Variants in DOCK5 observed in about 807,000 individuals in gnomAD.
DOCK5 encodes the protein dedicator of cytokinesis protein 5.
A neutral mutation model predicts 251.8 loss-of-function variants in DOCK5; 142 were observed. The ratio of observed to expected loss-of-function variants is 0.56; its 90% CI spans 0.49 to 0.65. The LOEUF (loss-of-function observed/expected upper bound fraction) is 0.65, where lower values mean the gene tolerates loss of function less well. Among genes scored for constraint, DOCK5 ranks in the 30% least tolerant of loss-of-function variants. The pLI is 0.00. For synonymous variants in DOCK5, 842 were observed against 835.5 expected (o/e 1.01, Z -0.13); for missense variants, 2,111 against 2,312.3 (o/e 0.91, Z 1.79).
intron 47 of DOCK5, among the ~76,000 whole-genome samples, chr8:25,403,135 G>T (rs1388386939): frequency 1.3e-5 from 2 of 152,176 alleles, no homozygotes; most frequent in East Asian, 1.9e-4. Flanking sequence ...GGATTCACCA[G>T]GTTAAGCTGC....
At chr8:25,334,596 A>G (rs1422356072) in intron 21 of DOCK5, among the ~76,000 whole-genome samples, 2 of 152,040 alleles carry the variant, frequency 1.3e-5, no homozygotes, top group Non-Finnish European at 2.9e-5. Flanking sequence ...CTGTAGTCCT[A>G]GCTACTCGAG....
At chr8:25,235,271 C>T (rs533934571) in intron 1 of DOCK5, among the ~76,000 whole-genome samples, 95 of 152,220 alleles carry the variant, frequency 6.2e-4, no homozygotes, top group Middle Eastern at 3.4e-3. Flanking sequence ...CTTGCTCTGT[C>T]GCCTACGTAG....
At chr8:25,364,263 A>T (rs978761639) in intron 29 of DOCK5, among the ~76,000 whole-genome samples, 2 of 152,208 alleles carry the variant, frequency 1.3e-5, no homozygotes, top group Admixed American at 1.3e-4. Flanking sequence ...CTTCTCTGCT[A>T]TGTACAGATT....
At chr8:25,285,185 G>T (rs78908007) in intron 5 of DOCK5, among the ~76,000 whole-genome samples, 2 of 151,468 alleles carry the variant, frequency 1.3e-5, no homozygotes, top group Non-Finnish European at 2.9e-5. Context: ...CATTATTCTC[G>T]CCCAGGCTGG....
chr8:25,347,197 A>G (rs1170174865), intron 26 of DOCK5, among the ~76,000 whole-genome samples: 1 of 152,134 alleles, frequency 6.6e-6, no homozygotes, highest in African/African-American at 2.4e-5. Context: ...ACTACAGCCC[A>G]CCTTTTCTCC....
rs545491742 is a variant in DOCK5 at position 25,184,873 on chromosome 8, C to G, written c.-36C>G. ...GCCGGAGCCCGAGGAGCTGTAGCAG[C>G]CTTAGTCGCCGCCGCCGCGGGGCGA... On this transcript the variant is annotated 5_prime_UTR_variant, in exon 1 of 52. Coordinates refer to ENST00000276440, the MANE Select transcript of DOCK5 (RefSeq NM_024940.8). The G allele has an allele frequency of 7.4e-7, 1 of 1,356,730 alleles. No individual in the cohort carries two copies. The highest frequency in any genetic ancestry group is 3.0e-5 in the East Asian group (1 of 33,890). The allele number at this position is 1,356,730 out of a possible 1,614,324, so 84.0% of individuals were successfully genotyped here.
intron 45 of DOCK5, 143 bp from the exon 46 acceptor site, chr8:25,399,768 T>C (rs1801405213): frequency 9.4e-6 from 6 of 638,452 alleles, no homozygotes; most frequent in Admixed American, 7.8e-5. Flanking sequence ...TCCAACATAG[T>C]ATAAGAGCTG....
intron 38 of DOCK5, 23 bp downstream of exon 38, chr8:25,377,447 A>G (rs778120236): frequency 1.2e-6 from 2 of 1,609,004 alleles, no homozygotes; most frequent in Non-Finnish European, 1.7e-6. Flanking sequence ...TTGTTTTTGT[A>G]CTAGGGGAAA....
chr8:25,199,591 C>G (rs747749816), intron 1 of DOCK5, among the ~76,000 whole-genome samples: 2 of 152,264 alleles, frequency 1.3e-5, no homozygotes, highest in South Asian at 2.1e-4. Context: ...CCATGTTGGC[C>G]AAGCTGGTCT....
rs373092256 is a variant in DOCK5 at position 25,226,746 on chromosome 8, C to T, written c.44-16928C>T. Among the ~76,000 whole-genome samples, 109 of 152,028 alleles carry T rather than the reference C, an allele frequency of 7.2e-4. 1 individual carries two copies. The South Asian group carries it at 0.011, about 15-fold the overall frequency. On this transcript the variant is annotated intron_variant, in intron 1 of 51. Transcript: ENST00000276440. ...GACTACAGGCGCCCGCCACCACGCCCGGCTAATTTTTTGTATTTTTAGTAG... is the reference window on the plus strand; with the variant it reads ...GACTACAGGCGCCCGCCACCACGCCTGGCTAATTTTTTGTATTTTTAGTAG...
chr8:25,350,805 G>T (rs1800453373), intron 26 of DOCK5, among the ~76,000 whole-genome samples: 1 of 152,106 alleles, frequency 6.6e-6, no homozygotes, highest in Admixed American at 6.6e-5. Context: ...CGTCAGTCCA[G>T]GGCCCCACCC....
intron 14 of DOCK5, chr8:25,317,353 A>G (rs1439943905): frequency 1.8e-5 from 8 of 445,800 alleles, no homozygotes; most frequent in Non-Finnish European, 1.5e-5. Flanking sequence ...CTCCTGTGCT[A>G]AGAAATAGCT....
intron 5 of DOCK5, among the ~76,000 whole-genome samples, chr8:25,289,799 G>A (rs1055270769): frequency 1.3e-5 from 2 of 151,988 alleles, no homozygotes; most frequent in African/African-American, 2.4e-5. Context: ...CTGAGATCAC[G>A]CCATTGCACT....
chr8:25,242,003 G>A (rs949979654), intron 1 of DOCK5, among the ~76,000 whole-genome samples: 3 of 151,982 alleles, frequency 2.0e-5, no homozygotes, highest in East Asian at 1.9e-4. Context: ...GGGCCTTTTG[G>A]GGGGTGGGGG....
chr8:25,253,471 T>G (rs943042972), intron 2 of DOCK5, among the ~76,000 whole-genome samples: 1 of 152,218 alleles, frequency 6.6e-6, no homozygotes, highest in East Asian at 1.9e-4. Context: ...CACCCCTGAT[T>G]GCTGTAGCAT....
At chr8:25,336,018 T>G (rs955915720) in intron 21 of DOCK5, among the ~76,000 whole-genome samples, 7 of 152,200 alleles carry the variant, frequency 4.6e-5, no homozygotes, top group Non-Finnish European at 7.3e-5. Flanking sequence ...AAAGAAACCT[T>G]TTCTAGTATT....
At chr8:25,376,399 G>A (rs1800964283) in intron 37 of DOCK5, 1 of 982,850 alleles carries the variant, frequency 1.0e-6, no homozygotes, top group Middle Eastern at 5.2e-4. Context: ...TTATTTTGGG[G>A]GGAGGGAATC....
Position 25,192,547 on chromosome 8 carries a change from C to T in DOCK5, c.43+7596C>T, listed in dbSNP as rs983072408. On this transcript the variant is annotated intron_variant, in intron 1 of 51. Coordinates refer to ENST00000276440, the MANE Select transcript of DOCK5 (RefSeq NM_024940.8). ...AAGAGATAGGGTCTCACTGTGTTGC[C>T]CAGGCTGGAGTGCAGTGGTGCAATC... is the stretch of plus-strand genomic sequence containing the variant. Among the ~76,000 whole-genome samples, 3 of 152,092 alleles carry T rather than the reference C, an allele frequency of 2.0e-5. No individual in the cohort carries two copies. In the South Asian group the frequency reaches 6.2e-4, roughly 32 times the overall value.
At chr8:25,310,340 C>T in intron 12 of DOCK5, 67 bp from the exon 13 acceptor site, 3 of 1,481,970 alleles carry the variant, frequency 2.0e-6, no homozygotes, top group Admixed American at 2.2e-5. Context: ...ATGTTCTTCT[C>T]ACCAGTTACG....
Sources: gnomAD v4.1 joint callset for allele counts (sites outside exome capture counted in the v4.1 genomes callset) on GRCh38, gnomAD v4.1.1 for gene constraint, MANE v1.5 for transcripts, NCBI Gene and HGNC (gene_info 2026-07-23, HGNC 2026-07-21) for gene names.